PTPN22: variants seen among roughly 807,000 people sequenced by gnomAD.
PTPN22 encodes tyrosine-protein phosphatase non-receptor type 22.
In PTPN22, 85 loss-of-function variants were observed where a neutral mutation model predicts 103.3. The observed-to-expected ratio is 0.82, with a 90% CI of 0.69 to 0.99. PTPN22 has a LOEUF of 0.99. Among genes scored for constraint, PTPN22 ranks in the 50% least tolerant of loss-of-function variants. The pLI is 0.00. For missense variants in PTPN22, 865 were observed against 936.9 expected (o/e 0.92, Z 1.00); for synonymous variants, 323 against 310.2 (o/e 1.04, Z -0.43).
intron 11 of PTPN22, among the ~76,000 whole-genome samples, chr1:113,844,302 A>G (rs1445717655): frequency 2.0e-5 from 3 of 152,176 alleles, no homozygotes; most frequent in African/African-American, 7.2e-5. Context: ...AAAAATAGAA[A>G]AATTAGCTGG....
At chr1:113,859,167 CATGAGTGAACAA>C in intron 2 of PTPN22, 89 bp from the exon 3 acceptor site, 5 of 1,570,898 alleles carry the variant, frequency 3.2e-6, no homozygotes, top group Non-Finnish European at 3.4e-6. Flanking sequence ...AGTGTATGCT[CATGAGTGAACAA>C]GTGAGTGAAT....
chr1:113,863,394 A>G (rs1433683823), intron 1 of PTPN22, among the ~76,000 whole-genome samples: 1 of 152,214 alleles, frequency 6.6e-6, no homozygotes, highest in Non-Finnish European at 1.5e-5. Context: ...CGCTCAGCCA[A>G]GAAATGTGTT....
intron 16 of PTPN22, among the ~76,000 whole-genome samples, chr1:113,830,279 A>T (rs1345185119): frequency 6.6e-6 from 1 of 152,128 alleles, no homozygotes; most frequent in Non-Finnish European, 1.5e-5. Context: ...CTGAAACCGA[A>T]TATAATCAAG....
At chr1:113,851,151 T>C (rs1571425928) in intron 10 of PTPN22, among the ~76,000 whole-genome samples, 1 of 104,188 alleles carries the variant, frequency 9.6e-6, no homozygotes, top group South Asian at 3.8e-4. Flanking sequence ...TAGAGTGTGA[T>C]TGTAATTTTT....
Position 113,819,664 on chromosome 1 carries a change from A to G in PTPN22, c.2282-10T>C, listed in dbSNP as rs1402487328. 3 of 1,568,246 alleles carry G rather than the reference A, an allele frequency of 1.9e-6. No individual in the cohort carries two copies. The highest frequency in any genetic ancestry group is 3.4e-4 in the Middle Eastern group (2 of 5,912). Reference sequence around the variant, plus strand: ...CAAGAATTACAGATACCTAGAATCAAAAGAAAAAAATATAAGGGAAAGACT... The same window carrying G: ...CAAGAATTACAGATACCTAGAATCAGAAGAAAAAAATATAAGGGAAAGACT... On this transcript the variant is annotated splice_polypyrimidine_tract_variant and intron_variant, in intron 19 of 20. Coordinates refer to ENST00000359785, the Ensembl canonical transcript of PTPN22.
At chr1:113,850,919 A>G (rs1348658583) in intron 10 of PTPN22, among the ~76,000 whole-genome samples, 3 of 152,226 alleles carry the variant, frequency 2.0e-5, no homozygotes, top group Admixed American at 2.0e-4. Context: ...ATAAACATCA[A>G]TACACGTTTC....
chr1:113,816,335 G>A (rs1661146269), intron 20 of PTPN22, among the ~76,000 whole-genome samples: 1 of 151,520 alleles, frequency 6.6e-6, no homozygotes, highest in Non-Finnish European at 1.5e-5. Context: ...AATTAGCCGG[G>A]CATGGTGGCT....
rs1299040834 is a variant in PTPN22 at position 113,834,191 on chromosome 1, C to T, written c.2025+118G>A. ...CTTTTTATCCCAACATCCTCTAGCA[C>T]ATTGTTCTATATTTAGTATGTGCTT... is the stretch of plus-strand genomic sequence containing the variant. On this transcript the variant is annotated intron_variant, in intron 15 of 20. Transcript: ENST00000359785. 9 of 1,113,472 alleles carry T rather than the reference C, an allele frequency of 8.1e-6. No individual in the cohort carries two copies. In the East Asian group the frequency reaches 1.9e-4, roughly 24 times the overall value. The allele number at this position is 1,113,472 out of a possible 1,614,324, so 69.0% of individuals were successfully genotyped here.
intron 1 of PTPN22, chr1:113,864,216 T>G (rs1157270679): frequency 2.2e-6 from 1 of 452,876 alleles, no homozygotes; most frequent in Non-Finnish European, 4.4e-6. Context: ...ATTTGATCTA[T>G]TCAAAGAGGT....
intron 5 of PTPN22, 162 bp from the exon 6 acceptor site, chr1:113,856,781 G>T: frequency 1.2e-6 from 1 of 800,208 alleles, no homozygotes. Context: ...CCAAAGATGG[G>T]AAAACAAACA....
At chr1:113,837,452 AAAAAAAAAAG>A in intron 13 of PTPN22, 128 bp downstream of exon 13, 2 of 683,310 alleles carry the variant, frequency 2.9e-6, no homozygotes, top group Non-Finnish European at 4.6e-6. Context: ...TCCATCTCAA[AAAAAAAAAAG>A]AAAAAAAAGA....
At chr1:113,823,525 C>T (rs1366581955) in intron 19 of PTPN22, 1 of 152,204 alleles carries the variant, frequency 6.6e-6, no homozygotes, top group Non-Finnish European at 1.5e-5. Flanking sequence ...CAGCACAGCC[C>T]AGATCCAGAG....
chr1:113,852,208 G>A (rs1352691719), intron 9 of PTPN22, 104 bp from the exon 10 acceptor site: 6 of 765,642 alleles, frequency 7.8e-6, no homozygotes, highest in Non-Finnish European at 1.0e-5. Flanking sequence ...TTCTAACATG[G>A]GGTAATATCA....
At chr1:113,851,519 T>G (rs996308293) in intron 10 of PTPN22, among the ~76,000 whole-genome samples, 4 of 152,176 alleles carry the variant, frequency 2.6e-5, no homozygotes, top group Non-Finnish European at 5.9e-5. Context: ...AGAAAAATAG[T>G]AATAGTGGCT....
chr1:113,863,588 T>C (rs969999916), intron 1 of PTPN22, among the ~76,000 whole-genome samples: 2 of 152,224 alleles, frequency 1.3e-5, no homozygotes, highest in Admixed American at 6.5e-5. Flanking sequence ...GTTCAAGTGA[T>C]AGGCTGATTC....
intron 1 of PTPN22, among the ~76,000 whole-genome samples, chr1:113,864,836 C>G (rs1665979237): frequency 6.6e-6 from 1 of 151,718 alleles, no homozygotes; most frequent in Non-Finnish European, 1.5e-5. Context: ...AACTTGAACC[C>G]AGGAGGCAGA....
intron 18 of PTPN22, among the ~76,000 whole-genome samples, chr1:113,826,708 C>G (rs1025603948): frequency 6.9e-5 from 8 of 116,618 alleles, no homozygotes; most frequent in African/African-American, 2.0e-4. Context: ...CTCGCTCTGT[C>G]GCCCAGGCTG....
chr1:113,837,706 G>A (rs534823450), exon 13 of PTPN22: 3 of 1,608,448 alleles, frequency 1.9e-6, no homozygotes, highest in South Asian at 1.1e-5. Context: ...TGGCAACAGA[G>A]AAGAAGGAAA....
Position 113,838,448 on chromosome 1 carries a change from A to T in PTPN22, c.993-41T>A. 4 of 1,585,402 alleles carry T rather than the reference A, an allele frequency of 2.5e-6. No individual in the cohort carries two copies. In the Admixed American group the frequency reaches 7.3e-5, roughly 29 times the overall value. On this transcript the variant is annotated intron_variant, in intron 12 of 20. Transcript: ENST00000359785. The stretch of plus-strand genomic sequence containing the variant: ...AGCGTAATGATGACACCATACCCCA[A>T]ACAGGCCGCTTCCTAGCATCACAAT...
Sources: gnomAD v4.1 joint callset for allele counts (sites outside exome capture counted in the v4.1 genomes callset) on GRCh38, gnomAD v4.1.1 for gene constraint, MANE v1.5 for transcripts, NCBI Gene and HGNC (gene_info 2026-07-23, HGNC 2026-07-21) for gene names.